The following MECOM variants were observed in gnomAD, a reference collection of about 807,000 sequenced individuals.
The protein encoded by MECOM is MDS1 and EVI1 complex locus, also known as histone-lysine N-methyltransferase MECOM.
MECOM carries 13 observed loss-of-function variants against 116.3 expected under a neutral mutation model. The observed-to-expected ratio is 0.11, with a 90% CI of 0.07 to 0.18. The LOEUF (loss-of-function observed/expected upper bound fraction) is 0.18, where lower values mean the gene tolerates loss of function less well. Among genes scored for constraint, MECOM ranks in the 10% least tolerant of loss-of-function variants. The probability of loss-of-function intolerance (pLI) is 1.00; values close to 1 mark genes in which losing one functional copy is unlikely to be tolerated. For missense variants in MECOM, 1,299 were observed against 1,509.0 expected, an observed-to-expected ratio of 0.86 and a Z score of 2.31; for synonymous variants, 528 against 535.2, an observed-to-expected ratio of 0.99 and a Z score of 0.19.
chr3:169,555,564 CTA>C (rs1761928795), intron 1 of MECOM, among the ~76,000 whole-genome samples: 3 of 152,092 alleles, frequency 2.0e-5, no homozygotes, highest in Admixed American at 1.3e-4. Flanking sequence ...CACTGTAGGC[CTA>C]AAACCATGAA....
intron 2 of MECOM, among the ~76,000 whole-genome samples, chr3:169,293,148 C>T (rs922668382): frequency 1.3e-5 from 2 of 152,126 alleles, no homozygotes; most frequent in Non-Finnish European, 2.9e-5. Context: ...CAGAGCATGC[C>T]GAGAGTCTGA....
chr3:169,644,236 G>A (rs904114851), intron 1 of MECOM, among the ~76,000 whole-genome samples: 1 of 148,048 alleles, frequency 6.8e-6, no homozygotes, highest in Non-Finnish European at 1.5e-5. Context: ...TTATTTATTT[G>A]TTTATTTATT....
chr3:169,284,042 T>C (rs925807262), intron 2 of MECOM, among the ~76,000 whole-genome samples: 3 of 152,186 alleles, frequency 2.0e-5, no homozygotes, highest in Non-Finnish European at 4.4e-5. Flanking sequence ...GTAAAGAGTG[T>C]CCCATTCGAA....
intron 1 of MECOM, among the ~76,000 whole-genome samples, chr3:169,454,485 T>A (rs1161101262): frequency 6.6e-6 from 1 of 152,058 alleles, no homozygotes; most frequent in Non-Finnish European, 1.5e-5. Flanking sequence ...AAGTACAGTG[T>A]TTTCCAGAAG....
At chr3:169,342,426 T>C (rs948497158) in intron 2 of MECOM, among the ~76,000 whole-genome samples, 1 of 152,088 alleles carries the variant, frequency 6.6e-6, no homozygotes, top group Non-Finnish European at 1.5e-5. Flanking sequence ...GAAAAGTGTC[T>C]ATTTGAAAAT....
chr3:169,312,898 A>G (rs1461217817), intron 2 of MECOM, among the ~76,000 whole-genome samples: 1 of 152,184 alleles, frequency 6.6e-6, no homozygotes, highest in African/African-American at 2.4e-5. Flanking sequence ...GAGTCATCCA[A>G]GTAGGGCTGG....
chr3:169,122,365 A>T (rs1379979808), intron 6 of MECOM, among the ~76,000 whole-genome samples: 1 of 152,218 alleles, frequency 6.6e-6, no homozygotes, highest in African/African-American at 2.4e-5. Context: ...CTCACCATTA[A>T]GCCTCACTTC....
intron 1 of MECOM, among the ~76,000 whole-genome samples, chr3:169,619,781 T>A (rs1031306575): frequency 3.3e-5 from 5 of 152,200 alleles, no homozygotes; most frequent in Non-Finnish European, 5.9e-5. Context: ...TCAGGGTTTT[T>A]AAAATATTAT....
At chr3:169,336,948 G>A (rs953190009) in intron 2 of MECOM, among the ~76,000 whole-genome samples, 8 of 152,000 alleles carry the variant, frequency 5.3e-5, no homozygotes, top group African/African-American at 1.7e-4. Context: ...TATTTTTTCC[G>A]AGAGAAATTC....
intron 1 of MECOM, among the ~76,000 whole-genome samples, chr3:169,437,814 T>C (rs1273676942): frequency 1.3e-5 from 2 of 152,224 alleles, no homozygotes; most frequent in African/African-American, 4.8e-5. Flanking sequence ...AGAAAGTTAT[T>C]TTTGAATGGC....
At chr3:169,650,489 C>T (rs1019371133) in intron 1 of MECOM, among the ~76,000 whole-genome samples, 1 of 152,130 alleles carries the variant, frequency 6.6e-6, no homozygotes, top group African/African-American at 2.4e-5. Flanking sequence ...ATTTCAGCTA[C>T]AGCCTGTTCC....
At chr3:169,146,815 C>A in intron 2 of MECOM, 1 of 1,096,234 alleles carries the variant, frequency 9.1e-7, no homozygotes, top group Non-Finnish European at 1.1e-6. Flanking sequence ...CCCCAACGCT[C>A]CTGCACGAAA....
At chr3:169,508,632 T>A (rs1256871839) in intron 1 of MECOM, among the ~76,000 whole-genome samples, 1 of 152,154 alleles carries the variant, frequency 6.6e-6, no homozygotes, top group African/African-American at 2.4e-5. Context: ...AAGAAACTAT[T>A]CTCATATGAG....
chr3:169,538,074 T>C (rs899351219), intron 1 of MECOM, among the ~76,000 whole-genome samples: 1 of 152,150 alleles, frequency 6.6e-6, no homozygotes, highest in Non-Finnish European at 1.5e-5. Flanking sequence ...TAGGCATCAG[T>C]GCTGGTTAAA....
intron 2 of MECOM, among the ~76,000 whole-genome samples, chr3:169,196,415 T>A (rs547571935): frequency 6.6e-6 from 1 of 152,186 alleles, no homozygotes; most frequent in Admixed American, 6.5e-5. Flanking sequence ...CACACACACA[T>A]ACACGTCTCA....
intron 1 of MECOM, among the ~76,000 whole-genome samples, chr3:169,492,108 C>CA (rs951409491): frequency 2.0e-5 from 3 of 152,152 alleles, no homozygotes; most frequent in African/African-American, 4.8e-5. Flanking sequence ...CATTCAGTTT[C>CA]ATGGGGTCAG....
rs190800035 is a variant in MECOM at position 169,333,221 on chromosome 3, A to T, written c.375+47966T>A. Among the ~76,000 whole-genome samples, 664 of 152,256 alleles carry T rather than the reference A, an allele frequency of 4.4e-3. 3 individuals carry two copies. The highest frequency in any genetic ancestry group is 0.015 in the African/African-American group (604 of 41,546). On this transcript the variant is annotated intron_variant, in intron 2 of 16. Transcript: ENST00000651503. ...CCAAAAAAAGAGAAAGTTTTGAGGA[A>T]GTTAGACATGATGGGGAGGGGTGTG...
intron 2 of MECOM, among the ~76,000 whole-genome samples, chr3:169,334,053 T>A (rs955195232): frequency 2.0e-5 from 3 of 152,062 alleles, no homozygotes; most frequent in African/African-American, 2.4e-5. Flanking sequence ...TAAAAAAAAA[T>A]AAATAAAAAA....
chr3:169,170,019 C>A (rs1337325869), intron 2 of MECOM, among the ~76,000 whole-genome samples: 1 of 152,082 alleles, frequency 6.6e-6, no homozygotes, highest in Non-Finnish European at 1.5e-5. Flanking sequence ...CATATACATG[C>A]CTACAAACTC....
Sources: allele counts gnomAD v4.1 joint callset (sites outside exome capture counted in the v4.1 genomes callset), GRCh38; gene constraint gnomAD v4.1.1; transcripts MANE v1.5; gene names NCBI Gene and HGNC (gene_info 2026-07-23, HGNC 2026-07-21).